The following SFXN5 variants were observed in gnomAD, a reference collection of about 807,000 sequenced individuals.
The protein encoded by SFXN5 is sideroflexin 5.
A neutral mutation model predicts 50.2 loss-of-function variants in SFXN5; 43 were observed. That is an observed-to-expected ratio of 0.86 (90% CI 0.67 to 1.11). The LOEUF (loss-of-function observed/expected upper bound fraction) is 1.11. Ranked by LOEUF, SFXN5 falls within the 50% of genes least tolerant of loss-of-function variation. The probability of loss-of-function intolerance (pLI) is 0.00; values close to 1 mark genes in which losing one functional copy is unlikely to be tolerated. For synonymous variants in SFXN5, 203 were observed against 185.8 expected (o/e 1.09, Z -0.75); for missense variants, 463 against 454.1 (o/e 1.02, Z -0.18).
chr2:72,969,504 C>T (rs1455003748), intron 11 of SFXN5, among the ~76,000 whole-genome samples: 2 of 152,156 alleles, frequency 1.3e-5, no homozygotes, highest in Admixed American at 1.3e-4. Flanking sequence ...AAGCAATTCT[C>T]CAGCCTCAGC....
intron 2 of SFXN5, among the ~76,000 whole-genome samples, chr2:73,055,997 G>A (rs913386824): frequency 3.3e-5 from 5 of 152,126 alleles, no homozygotes; most frequent in Admixed American, 6.5e-5. Flanking sequence ...AATTAGCCAC[G>A]CGTGATGGTG....
chr2:73,022,485 C>T, intron 5 of SFXN5, 37 bp downstream of exon 5: 2 of 1,565,428 alleles, frequency 1.3e-6, no homozygotes, highest in Non-Finnish European at 1.8e-6. Context: ...GTAAGCACCC[C>T]AGGCTGACCA....
chr2:72,999,074 T>C, intron 8 of SFXN5, 60 bp from the exon 9 acceptor site: 1 of 1,564,210 alleles, frequency 6.4e-7, no homozygotes, highest in South Asian at 1.1e-5. Context: ...ATACTTCCCC[T>C]TGTAAGCTGT....
chr2:72,983,841 A>C (rs1178380174), intron 10 of SFXN5, among the ~76,000 whole-genome samples: 1 of 152,088 alleles, frequency 6.6e-6, no homozygotes, highest in Non-Finnish European at 1.5e-5. Context: ...CCCCTTGAGA[A>C]GCCTGTGGGG....
At chr2:73,029,375 T>C (rs187390866) in intron 3 of SFXN5, among the ~76,000 whole-genome samples, 518 of 152,350 alleles carry the variant, frequency 3.4e-3, no homozygotes, top group African/African-American at 0.01. Flanking sequence ...ATTTGACTCA[T>C]AGAACGTGCT....
chr2:73,047,236 AAAAAAAAAAATATATATATATATAT>A (rs1559199216), intron 2 of SFXN5, among the ~76,000 whole-genome samples: 1 of 64,566 alleles, frequency 1.5e-5, no homozygotes, highest in African/African-American at 7.7e-5. Context: ...AAAAAAAAAA[AAAAAAAAAAATATATATATATATAT>A]ATATATATAT....
chr2:72,951,245 G>C (rs946369516), intron 13 of SFXN5, among the ~76,000 whole-genome samples: 1 of 152,170 alleles, frequency 6.6e-6, no homozygotes, highest in South Asian at 2.1e-4. Flanking sequence ...CAGCCTCCTC[G>C]GGATGTGCCC....
chr2:73,069,023 C>T (rs1372589568), intron 1 of SFXN5, among the ~76,000 whole-genome samples: 2 of 144,172 alleles, frequency 1.4e-5, no homozygotes, highest in East Asian at 2.1e-4. Flanking sequence ...AAGGAGGGTG[C>T]GAAGTGTGGG....
At position 72,960,365 on chromosome 2, in the gene SFXN5, C is replaced by A. The variant is rs577657703; in HGVS notation, c.945+766G>T. Among the ~76,000 whole-genome samples the A allele has an allele frequency of 6.6e-6, 1 of 152,226 alleles. No individual in the cohort carries two copies. The highest frequency in any genetic ancestry group is 1.9e-4 in the East Asian group (1 of 5,164). ...TCCTCTGGCTCCCGTTCCCTCCCAC[C>A]ACATACAGCTCTTCATCGAATCCCG... On this transcript the variant is annotated intron_variant, in intron 13 of 13. Coordinates refer to ENST00000272433, the MANE Select transcript of SFXN5 (RefSeq NM_144579.3). This position sits in a 1 kb window ranked among gnomAD's most constrained non-coding sequence, Gnocchi z 6.1.
At chr2:73,037,252 C>T (rs1679105415) in intron 3 of SFXN5, among the ~76,000 whole-genome samples, 1 of 152,188 alleles carries the variant, frequency 6.6e-6, no homozygotes. Flanking sequence ...GAGGGTCACC[C>T]CTTCCACGGC....
At chr2:73,062,118 AAAAAT>A (rs1295161521) in intron 1 of SFXN5, among the ~76,000 whole-genome samples, 4 of 152,172 alleles carry the variant, frequency 2.6e-5, no homozygotes, top group Admixed American at 2.0e-4. Context: ...GCCTGTCTCC[AAAAAT>A]AAAATAAAGT....
At position 73,007,238 on chromosome 2, in the gene SFXN5, C is replaced by T. The variant is rs974329570; in HGVS notation, c.358-5660G>A. 7.2e-5 allele frequency among the ~76,000 whole-genome samples: 11 copies of T among 152,216 alleles called. No homozygotes were observed. The South Asian group carries it at 2.3e-3, about 32-fold the overall frequency. On this transcript the variant is annotated intron_variant, in intron 6 of 13. Coordinates refer to ENST00000272433, the MANE Select transcript of SFXN5 (RefSeq NM_144579.3). ...TCCCATACAAAACTGACTCAAACTA[C>T]AGGAGAAAGGTTTTTTTAAAAGCGT...
Position 72,973,887 on chromosome 2 carries a change from G to T in SFXN5, c.626-2202C>A, listed in dbSNP as rs758786841. On this transcript the variant is annotated intron_variant, in intron 10 of 13. Coordinates refer to ENST00000272433, the MANE Select transcript of SFXN5 (RefSeq NM_144579.3). This position sits in a 1 kb window ranked among gnomAD's most constrained non-coding sequence, Gnocchi z 5.5. ...AAGAAAACCGTTGAGAGGACAGTGG[G>T]GTTTTCTGCCCTGAAAGGCATCAAT... 6.6e-6 allele frequency among the ~76,000 whole-genome samples: 1 copy of T among 152,154 alleles called. No homozygotes were observed. The highest frequency in any genetic ancestry group is 1.9e-4 in the East Asian group (1 of 5,192).
chr2:73,020,324 C>G (rs1676709565), intron 5 of SFXN5, 60 bp from the exon 6 acceptor site: 1 of 1,576,714 alleles, frequency 6.3e-7, no homozygotes, highest in Admixed American at 1.7e-5. Context: ...CCTGAGATAC[C>G]CAGGAGCCTC....
intron 10 of SFXN5, among the ~76,000 whole-genome samples, chr2:72,972,962 T>TG (rs1169501615): frequency 6.6e-6 from 1 of 151,516 alleles, no homozygotes; most frequent in Non-Finnish European, 1.5e-5. Flanking sequence ...CGGGGCCTAG[T>TG]GGGCAGGCGG....
intron 1 of SFXN5, among the ~76,000 whole-genome samples, chr2:73,065,349 C>A (rs1479040345): frequency 6.6e-6 from 1 of 152,160 alleles, no homozygotes; most frequent in East Asian, 1.9e-4. Context: ...AATCCTCCTG[C>A]CTTGGCCTCT....
intron 8 of SFXN5, 61 bp from the exon 9 acceptor site, chr2:72,999,075 T>G: frequency 2.6e-6 from 4 of 1,565,510 alleles, no homozygotes; most frequent in Non-Finnish European, 3.5e-6. Context: ...TACTTCCCCT[T>G]GTAAGCTGTC....
At chr2:73,029,752 T>C (rs1464536504) in intron 3 of SFXN5, among the ~76,000 whole-genome samples, 1 of 152,194 alleles carries the variant, frequency 6.6e-6, no homozygotes, top group Non-Finnish European at 1.5e-5. Context: ...AAACTGAGGC[T>C]CAGAGAGATT....
chr2:73,061,163 A>T (rs1345010343), intron 1 of SFXN5, among the ~76,000 whole-genome samples: 1 of 152,054 alleles, frequency 6.6e-6, no homozygotes, highest in Admixed American at 6.5e-5. Flanking sequence ...TAAAAATATA[A>T]AAATTAGCCA....
Sources: gnomAD v4.1 joint callset for allele counts (sites outside exome capture counted in the v4.1 genomes callset) on GRCh38, gnomAD v4.1.1 for gene constraint, Gnocchi (gnomAD v3.1) non-coding constraint, MANE v1.5 for transcripts, NCBI Gene and HGNC (gene_info 2026-07-23, HGNC 2026-07-21) for gene names.